Variants in PLXNA4 observed in about 807,000 individuals in gnomAD.
The protein encoded by PLXNA4 is plexin A4.
In PLXNA4, 44 loss-of-function variants were observed where a neutral mutation model predicts 191.8. That is an observed-to-expected ratio of 0.23 (90% CI 0.18 to 0.29). The LOEUF (loss-of-function observed/expected upper bound fraction) is 0.29. Among genes scored for constraint, PLXNA4 ranks in the 10% least tolerant of loss-of-function variants. The pLI is 1.00. For missense variants in PLXNA4, 1,800 were observed against 2,488.8 expected (o/e 0.72, Z 5.89); for synonymous variants, 1,082 against 1,009.5 (o/e 1.07, Z -1.36).
At chr7:132,592,314 T>G (rs1436764103) in intron 2 of PLXNA4, among the ~76,000 whole-genome samples, 25 of 151,928 alleles carry the variant, frequency 1.6e-4, no homozygotes, top group Admixed American at 1.6e-3. Flanking sequence ...AAGATGGGAG[T>G]GCGGTGCAGG....
intron 3 of PLXNA4, among the ~76,000 whole-genome samples, chr7:132,447,666 T>A (rs912463344): frequency 6.6e-6 from 1 of 152,058 alleles, no homozygotes; most frequent in African/African-American, 2.4e-5. Flanking sequence ...ACACAGCACA[T>A]CTTAGGAAGG....
chr7:132,219,889 C>T (rs1021011093), intron 9 of PLXNA4, among the ~76,000 whole-genome samples: 8 of 152,166 alleles, frequency 5.3e-5, no homozygotes, highest in Admixed American at 3.9e-4. Context: ...ACCTGCTGTA[C>T]AGGTGTGTAG....
chr7:132,584,460 G>C (rs948895326), intron 2 of PLXNA4, among the ~76,000 whole-genome samples: 1 of 152,130 alleles, frequency 6.6e-6, no homozygotes, highest in African/African-American at 2.4e-5. Context: ...TTAGTGCACT[G>C]GGTTTGGCAG....
In PLXNA4 at chr7:132,128,273, T is replaced by C. The variant is rs1219777135; in HGVS notation, c.*2206A>G. On this transcript the variant is annotated 3_prime_UTR_variant, in exon 32 of 32. Coordinates refer to ENST00000321063, the MANE Select transcript of PLXNA4 (RefSeq NM_020911.2). ...CTGGTACTGCACTTGCCAAAACCTT[T>C]GGTTATTTATTTTTTTTCTTCCTCT... 3 of 152,158 alleles carry C rather than the reference T, an allele frequency of 2.0e-5. No homozygotes were observed. Among genetic ancestry groups the C allele is most frequent in the African/African-American group, 7.2e-5 (3 of 41,426 alleles). The allele number at this position is 152,158 out of a possible 1,614,324, so 9.4% of individuals were successfully genotyped here. A position where few individuals can be genotyped will look rare whatever the true frequency, so the allele number is the denominator to read the frequency against.
chr7:132,549,817 T>C (rs1267528832), intron 1 of PLXNA4, among the ~76,000 whole-genome samples: 1 of 152,080 alleles, frequency 6.6e-6, no homozygotes, highest in Non-Finnish European at 1.5e-5. Context: ...GGGGCTAGGA[T>C]TTTTTTCTTA....
intron 3 of PLXNA4, among the ~76,000 whole-genome samples, chr7:132,391,222 A>G (rs55862529): frequency 0.083 from 12,660 of 152,246 alleles, 1,004 homozygotes; most frequent in Admixed American, 0.17. Flanking sequence ...GCAAGGTGGC[A>G]TCAGGTAGGT....
intron 3 of PLXNA4, among the ~76,000 whole-genome samples, chr7:132,312,195 C>T (rs1801772596): frequency 6.9e-6 from 1 of 145,462 alleles, no homozygotes; most frequent in Admixed American, 6.7e-5. Context: ...TGGGTTACTC[C>T]TTCTGCCAGA....
In PLXNA4 at chr7:132,328,170, C is replaced by G. The variant is rs527959404; in HGVS notation, c.1372-29948G>C. Among the ~76,000 whole-genome samples, 9 of 152,242 alleles carry G rather than the reference C, an allele frequency of 5.9e-5. No homozygotes were observed. In the South Asian group the frequency reaches 1.7e-3, roughly 28 times the overall value. On this transcript the variant is annotated intron_variant, in intron 3 of 31. Coordinates refer to ENST00000321063, the MANE Select transcript of PLXNA4 (RefSeq NM_020911.2). ...TGAAGGGGTCACTGGGTCGGGCGGG[C>G]GCTGGCTTCTCTTCCTCCTGACAGA...
intron 1 of PLXNA4, among the ~76,000 whole-genome samples, chr7:132,574,427 G>C (rs566266467): frequency 2.0e-5 from 3 of 152,218 alleles, no homozygotes; most frequent in Non-Finnish European, 4.4e-5. Context: ...GCCCTCAAGG[G>C]GCATGTGGGG....
At chr7:132,327,537 G>C (rs1428317133) in intron 3 of PLXNA4, among the ~76,000 whole-genome samples, 1 of 152,082 alleles carries the variant, frequency 6.6e-6, no homozygotes, top group Non-Finnish European at 1.5e-5. Flanking sequence ...TGTCTGCCTG[G>C]AAAGCTAGGT....
rs566442602 is a variant in PLXNA4, at chr7:132,508,920, A to G, written c.-86-141T>C. On this transcript the variant is annotated intron_variant, in intron 1 of 31. Transcript: ENST00000321063. This position sits in a 1 kb window ranked among gnomAD's most constrained non-coding sequence, Gnocchi z 4.4. The stretch of plus-strand genomic sequence containing the variant: ...GGGGGTGCTGGAGGCTGACTGAGTC[A>G]ACCCCCACCACGGGCATGTGACACA... 1.2e-6 allele frequency: 1 copy of G among 818,298 alleles called. No individual in the cohort carries two copies. The highest frequency in any genetic ancestry group is 2.9e-5 in the East Asian group (1 of 33,920). The allele number at this position is 818,298 out of a possible 1,614,324, so 50.7% of individuals were successfully genotyped here. A position where few individuals can be genotyped will look rare whatever the true frequency, so the allele number is the denominator to read the frequency against.
intron 4 of PLXNA4, among the ~76,000 whole-genome samples, chr7:132,284,551 C>T (rs923640347): frequency 4.6e-5 from 7 of 152,082 alleles, no homozygotes; most frequent in Non-Finnish European, 7.4e-5. Context: ...TAGCCAAAGG[C>T]CACGTCTCAG....
At chr7:132,285,890 G>T (rs1351298489) in intron 4 of PLXNA4, among the ~76,000 whole-genome samples, 1 of 152,104 alleles carries the variant, frequency 6.6e-6, no homozygotes, top group Non-Finnish European at 1.5e-5. Context: ...CCAACACCTG[G>T]CCTGTTGAGA....
intron 5 of PLXNA4, among the ~76,000 whole-genome samples, chr7:132,233,205 A>G (rs575401756): frequency 6.6e-6 from 1 of 152,356 alleles, no homozygotes; most frequent in Admixed American, 6.5e-5. Context: ...GGTCATTGTC[A>G]TCACATCTGG....
intron 21 of PLXNA4, among the ~76,000 whole-genome samples, chr7:132,169,185 A>G (rs771153365): frequency 2.2e-4 from 34 of 152,242 alleles, no homozygotes; most frequent in Admixed American, 1.0e-3. Context: ...GAGTCTCTAA[A>G]GAACTTCCTA....
chr7:132,314,767 C>G (rs79683683), intron 3 of PLXNA4, among the ~76,000 whole-genome samples: 5,208 of 152,258 alleles, frequency 0.034, 296 homozygotes, highest in African/African-American at 0.12. Context: ...CCATCCTCAA[C>G]GTAGACCAGG....
chr7:132,215,783 C>T (rs979508094), intron 9 of PLXNA4, among the ~76,000 whole-genome samples: 4 of 152,174 alleles, frequency 2.6e-5, no homozygotes, highest in Admixed American at 6.5e-5. Context: ...GAACAGGTGG[C>T]GATGCTGACA....
At chr7:132,348,968 C>T (rs762419047) in intron 3 of PLXNA4, among the ~76,000 whole-genome samples, 1 of 152,150 alleles carries the variant, frequency 6.6e-6, no homozygotes, top group African/African-American at 2.4e-5. Flanking sequence ...ATGGGGGCAG[C>T]GTCCCAAGTC....
chr7:132,569,017 A>G (rs1170634153), intron 1 of PLXNA4, among the ~76,000 whole-genome samples: 1 of 152,176 alleles, frequency 6.6e-6, no homozygotes, highest in East Asian at 1.9e-4. Context: ...CCAGGGCCTG[A>G]CCCACAGAGG....
Sources: gnomAD v4.1 joint callset for allele counts (sites outside exome capture counted in the v4.1 genomes callset) on GRCh38, gnomAD v4.1.1 for gene constraint, Gnocchi (gnomAD v3.1) non-coding constraint, MANE v1.5 for transcripts, NCBI Gene and HGNC (gene_info 2026-07-23, HGNC 2026-07-21) for gene names.